RYR3: variants seen among roughly 807,000 people sequenced by gnomAD.
The protein encoded by RYR3 is ryanodine receptor 3.
In RYR3, 207 loss-of-function variants were observed where a neutral mutation model predicts 584.3. The observed-to-expected ratio is 0.35, with a 90% CI of 0.32 to 0.40. RYR3 has a LOEUF of 0.40. Ranked by LOEUF, RYR3 falls within the 10% of genes least tolerant of loss-of-function variation. RYR3 has a pLI of 1.00. For synonymous variants in RYR3, 2,416 were observed against 2,248.5 expected (o/e 1.07, Z -2.11); for missense variants, 5,616 against 6,089.2 (o/e 0.92, Z 2.59).
intron 28 of RYR3, 64 bp downstream of exon 28, chr15:33,644,583 A>C: frequency 1.6e-6 from 2 of 1,262,574 alleles, no homozygotes; most frequent in South Asian, 2.6e-5. Context: ...AGCTTGCCCT[A>C]AGTCTCCTGT....
At chr15:33,820,681 T>G in intron 77 of RYR3, 75 bp from the exon 78 acceptor site, 1 of 1,292,158 alleles carries the variant, frequency 7.7e-7, no homozygotes, top group Non-Finnish European at 1.1e-6. Context: ...CCCCTGCCCT[T>G]GTAGAGTTGT....
rs138206907 is a variant in RYR3 at position 33,699,481 on chromosome 15, T to C, written c.6250-223T>C. Reference sequence around the variant, plus strand: ...AGAAGGTCATGCAATTTCACATGACTTCCGAGGATGATTGGGATTCTTGTT... The same window carrying C: ...AGAAGGTCATGCAATTTCACATGACCTCCGAGGATGATTGGGATTCTTGTT... On this transcript the variant is annotated intron_variant, in intron 40 of 103. Coordinates refer to ENST00000634891, the MANE Select transcript of RYR3 (RefSeq NM_001036.6). Among the ~76,000 whole-genome samples, 429 of 152,280 alleles carry C rather than the reference T, an allele frequency of 2.8e-3. 1 individual carries two copies. The highest frequency in any genetic ancestry group is 4.1e-3 in the Non-Finnish European group (282 of 68,024).
intron 36 of RYR3, among the ~76,000 whole-genome samples, chr15:33,667,999 G>T (rs562785947): frequency 6.8e-6 from 1 of 146,558 alleles, no homozygotes; most frequent in East Asian, 2.0e-4. Context: ...GGTGGTGGAG[G>T]TTGCAGTGAG....
intron 1 of RYR3, among the ~76,000 whole-genome samples, chr15:33,349,106 C>CTTTT (rs749996197): frequency 3.5e-5 from 4 of 113,556 alleles, no homozygotes; most frequent in African/African-American, 1.0e-4. Context: ...TAGCTTGTGC[C>CTTTT]TTTTTTTTTT....
chr15:33,317,957 C>T (rs1968427182), intron 1 of RYR3, among the ~76,000 whole-genome samples: 1 of 152,178 alleles, frequency 6.6e-6, no homozygotes, highest in Non-Finnish European at 1.5e-5. Context: ...CCTGTGCAGT[C>T]TTGTCAATAC....
At chr15:33,673,844 G>C (rs1027153770) in intron 38 of RYR3, among the ~76,000 whole-genome samples, 9 of 152,234 alleles carry the variant, frequency 5.9e-5, no homozygotes, top group African/African-American at 2.2e-4. Context: ...GTCTTGAGAT[G>C]ACCCATTGCA....
At position 33,586,126 on chromosome 15, in the gene RYR3, G is replaced by C. The variant is rs146892882; in HGVS notation, c.1788+10G>C. ...CGGGCGGAATCACAAGGTAGGTGTG[G>C]AAAGAACGGTGATTGACTTTGCCTG... On this transcript the variant is annotated intron_variant, in intron 16 of 103. Transcript: ENST00000634891. 513 of 1,516,424 alleles carry C rather than the reference G, an allele frequency of 3.4e-4. No homozygotes were observed. In the African/African-American group the frequency reaches 6.2e-3, roughly 18 times the overall value. 93.9% of individuals were successfully genotyped at this position (1,516,424 alleles called of 1,614,324 possible).
intron 3 of RYR3, among the ~76,000 whole-genome samples, chr15:33,526,707 A>G (rs2054421614): frequency 6.6e-6 from 1 of 151,948 alleles, no homozygotes; most frequent in South Asian, 2.1e-4. Flanking sequence ...TTACTCATTC[A>G]GGAAATATTT....
chr15:33,748,599 G>T, intron 55 of RYR3, 69 bp downstream of exon 55: 1 of 1,270,764 alleles, frequency 7.9e-7, no homozygotes, highest in South Asian at 1.3e-5. Context: ...AGAGTTAAAG[G>T]GGGAAAAAAG....
intron 31 of RYR3, 128 bp downstream of exon 31, chr15:33,649,363 C>A: frequency 2.3e-6 from 2 of 883,760 alleles, no homozygotes; most frequent in Non-Finnish European, 3.4e-6. Flanking sequence ...AAATGAAGCA[C>A]AGACTTCAAA....
At chr15:33,480,705 A>G (rs1286972009) in intron 2 of RYR3, among the ~76,000 whole-genome samples, 2 of 152,256 alleles carry the variant, frequency 1.3e-5, no homozygotes, top group Non-Finnish European at 2.9e-5. Flanking sequence ...ATGTGCTCAG[A>G]AAACATTCTG....
chr15:33,582,798 C>G (rs2058660545), intron 14 of RYR3, among the ~76,000 whole-genome samples: 1 of 152,142 alleles, frequency 6.6e-6, no homozygotes, highest in Non-Finnish European at 1.5e-5. Context: ...TGAATTGTGT[C>G]CTTTACTGAC....
At chr15:33,776,985 A>G (rs1596538552) in intron 64 of RYR3, among the ~76,000 whole-genome samples, 1 of 152,218 alleles carries the variant, frequency 6.6e-6, no homozygotes, top group South Asian at 2.1e-4. Flanking sequence ...GAGAACCGAG[A>G]CCAGACGAGC....
intron 51 of RYR3, 21 bp downstream of exon 51, chr15:33,740,016 G>T: frequency 6.2e-7 from 1 of 1,610,820 alleles, no homozygotes. Context: ...AATCATCTCT[G>T]AGCTGGTGCT....
chr15:33,711,625 TC>T (rs1409545513), intron 43 of RYR3, among the ~76,000 whole-genome samples: 6 of 152,214 alleles, frequency 3.9e-5, no homozygotes, highest in Non-Finnish European at 8.8e-5. Context: ...AGTTCAAACT[TC>T]CATCGATCCC....
chr15:33,318,120 G>T (rs557733302), intron 1 of RYR3, among the ~76,000 whole-genome samples: 1 of 152,266 alleles, frequency 6.6e-6, no homozygotes, highest in African/African-American at 2.4e-5. Flanking sequence ...TTATTTCAGA[G>T]TGCAAAGGAG....
At chr15:33,856,987 T>G (rs2079744299) in intron 98 of RYR3, among the ~76,000 whole-genome samples, 2 of 151,964 alleles carry the variant, frequency 1.3e-5, no homozygotes, top group Admixed American at 1.3e-4. Context: ...AGCATTAGAG[T>G]AGAAGCTACA....
intron 2 of RYR3, among the ~76,000 whole-genome samples, chr15:33,477,649 G>C (rs2049510237): frequency 6.6e-6 from 1 of 151,060 alleles, no homozygotes; most frequent in South Asian, 2.1e-4. Context: ...GCCGAGATGG[G>C]CGGATCACGA....
chr15:33,538,945 A>G (rs2055569209), intron 5 of RYR3, among the ~76,000 whole-genome samples: 1 of 152,114 alleles, frequency 6.6e-6, no homozygotes, highest in Admixed American at 6.6e-5. Flanking sequence ...GACAAAGATG[A>G]AAGTGTGTAA....
Sources: gnomAD v4.1 joint callset for allele counts (sites outside exome capture counted in the v4.1 genomes callset) on GRCh38, gnomAD v4.1.1 for gene constraint, MANE v1.5 for transcripts, NCBI Gene and HGNC (gene_info 2026-07-23, HGNC 2026-07-21) for gene names.